Variants in SLC35F1 observed in about 807,000 individuals in gnomAD.
SLC35F1 encodes chromosome 6 open reading frame 169.
SLC35F1 carries 14 observed loss-of-function variants against 48.7 expected under a neutral mutation model. The ratio of observed to expected loss-of-function variants is 0.29; its 90% CI spans 0.19 to 0.45. The LOEUF is 0.45. Among genes scored for constraint, SLC35F1 ranks in the 20% least tolerant of loss-of-function variants. SLC35F1 has a pLI of 1.00. For synonymous variants in SLC35F1, 190 were observed against 202.2 expected, an observed-to-expected ratio of 0.94 and a Z score of 0.51; for missense variants, 404 against 500.0, an observed-to-expected ratio of 0.81 and a Z score of 1.83.
At chr6:118,030,063 G>T (rs528857416) in intron 1 of SLC35F1, among the ~76,000 whole-genome samples, 4 of 152,290 alleles carry the variant, frequency 2.6e-5, no homozygotes, top group East Asian at 1.9e-4. Context: ...GTGGTCAATT[G>T]TAAGGCTGAT....
At chr6:118,189,421 G>A (rs1253519028) in intron 2 of SLC35F1, among the ~76,000 whole-genome samples, 1 of 152,040 alleles carries the variant, frequency 6.6e-6, no homozygotes, top group East Asian at 1.9e-4. Context: ...TTGAAGAAAT[G>A]TCTATTCAGG....
At chr6:118,310,537 C>G (rs1776361485) in intron 7 of SLC35F1, among the ~76,000 whole-genome samples, 1 of 151,436 alleles carries the variant, frequency 6.6e-6, no homozygotes, top group Non-Finnish European at 1.5e-5. Flanking sequence ...AAAATAAAAC[C>G]TTTCTGTCAA....
At chr6:117,919,606 T>A (rs1775870605) in intron 1 of SLC35F1, among the ~76,000 whole-genome samples, 1 of 152,100 alleles carries the variant, frequency 6.6e-6, no homozygotes, top group African/African-American at 2.4e-5. Flanking sequence ...TCAGTCAGAG[T>A]CTGAAGTGAA....
At chr6:118,010,151 T>C (rs1402972650) in intron 1 of SLC35F1, among the ~76,000 whole-genome samples, 1 of 152,204 alleles carries the variant, frequency 6.6e-6, no homozygotes, top group East Asian at 1.9e-4. Flanking sequence ...CTTTAGTATT[T>C]AGATCTCTAA....
chr6:117,912,058 G>A (rs1483289110), intron 1 of SLC35F1, among the ~76,000 whole-genome samples: 1 of 152,152 alleles, frequency 6.6e-6, no homozygotes, highest in Non-Finnish European at 1.5e-5. Context: ...AGAAATATCT[G>A]TGAATTTCTT....
intron 3 of SLC35F1, among the ~76,000 whole-genome samples, chr6:118,257,002 G>T (rs1775654492): frequency 6.6e-6 from 1 of 152,158 alleles, no homozygotes; most frequent in African/African-American, 2.4e-5. Flanking sequence ...ATATGTAGAT[G>T]TGTAATCAGG....
intron 2 of SLC35F1, among the ~76,000 whole-genome samples, chr6:118,157,199 G>A (rs1161658111): frequency 1.3e-5 from 2 of 152,168 alleles, no homozygotes; most frequent in Non-Finnish European, 2.9e-5. Context: ...ACGCAGGGCT[G>A]TGAGGGCAGT....
intron 1 of SLC35F1, among the ~76,000 whole-genome samples, chr6:117,931,227 A>G (rs1776097669): frequency 6.6e-6 from 1 of 152,312 alleles, no homozygotes; most frequent in African/African-American, 2.4e-5. Flanking sequence ...TCGTGCTTGC[A>G]TTGCAAAAAT....
chr6:118,306,338 C>A (rs1776311406), intron 7 of SLC35F1, among the ~76,000 whole-genome samples: 1 of 152,186 alleles, frequency 6.6e-6, no homozygotes, highest in African/African-American at 2.4e-5. Context: ...AAAATGATGA[C>A]ATTTCCATTT....
intron 1 of SLC35F1, among the ~76,000 whole-genome samples, chr6:117,910,750 G>C (rs1021595801): frequency 3.9e-5 from 6 of 152,154 alleles, no homozygotes; most frequent in African/African-American, 1.4e-4. Flanking sequence ...TGGTGCAATG[G>C]GACGAGAAAT....
At chr6:118,268,868 C>T (rs1282647826) in intron 4 of SLC35F1, among the ~76,000 whole-genome samples, 1 of 151,990 alleles carries the variant, frequency 6.6e-6, no homozygotes, top group Non-Finnish European at 1.5e-5. Context: ...CCTCGGCCTC[C>T]CAAAGTGCCA....
chr6:118,063,575 C>T (rs1176106327), intron 1 of SLC35F1, among the ~76,000 whole-genome samples: 1 of 151,828 alleles, frequency 6.6e-6, no homozygotes, highest in Non-Finnish European at 1.5e-5. Flanking sequence ...CATCTTCCAC[C>T]CCCAATCCCC....
chr6:118,068,387 A>AT (rs1363263820), intron 1 of SLC35F1, among the ~76,000 whole-genome samples: 3 of 151,662 alleles, frequency 2.0e-5, no homozygotes, highest in African/African-American at 7.3e-5. Flanking sequence ...AGAAGAATAC[A>AT]TTTTTTTTTC....
At chr6:118,267,507 T>C (rs561747839) in intron 4 of SLC35F1, among the ~76,000 whole-genome samples, 2 of 152,134 alleles carry the variant, frequency 1.3e-5, no homozygotes, top group South Asian at 4.2e-4. Flanking sequence ...CTTGGTAGAG[T>C]TGGTGGTAAT....
At chr6:118,190,794 T>A (rs1774722025) in intron 2 of SLC35F1, among the ~76,000 whole-genome samples, 1 of 152,134 alleles carries the variant, frequency 6.6e-6, no homozygotes, top group Admixed American at 6.6e-5. Context: ...GTCAAATAGA[T>A]CAAAGAATTA....
intron 1 of SLC35F1, among the ~76,000 whole-genome samples, chr6:118,125,740 G>A (rs1382443461): frequency 2.0e-5 from 3 of 152,144 alleles, no homozygotes; most frequent in Non-Finnish European, 4.4e-5. Context: ...ATGCACCAGA[G>A]ACGTAGCAAG....
chr6:118,238,684 AT>A (rs1210053814), intron 3 of SLC35F1, among the ~76,000 whole-genome samples: 1 of 152,034 alleles, frequency 6.6e-6, no homozygotes, highest in Non-Finnish European at 1.5e-5. Flanking sequence ...TTCTTCCTTC[AT>A]GTCCAATGAG....
intron 1 of SLC35F1, among the ~76,000 whole-genome samples, chr6:117,949,052 C>T (rs771847349): frequency 2.6e-5 from 4 of 152,086 alleles, no homozygotes; most frequent in Non-Finnish European, 5.9e-5. Context: ...ATTCATAATG[C>T]TTTTTGTGTA....
chr6:118,178,678 T>A (rs545665683), intron 2 of SLC35F1, among the ~76,000 whole-genome samples: 8 of 152,134 alleles, frequency 5.3e-5, no homozygotes, highest in African/African-American at 1.7e-4. Context: ...TACAGGAGAC[T>A]GACAATACCA....
Sources: gnomAD v4.1 joint callset for allele counts (sites outside exome capture counted in the v4.1 genomes callset) on GRCh38, gnomAD v4.1.1 for gene constraint, MANE v1.5 for transcripts, NCBI Gene and HGNC (gene_info 2026-07-23, HGNC 2026-07-21) for gene names.